RYR3: variants seen among roughly 807,000 people sequenced by gnomAD.
The protein encoded by RYR3 is brain ryanodine receptor-calcium release channel.
In RYR3, 207 loss-of-function variants were observed where a neutral mutation model predicts 584.3. The observed-to-expected ratio is 0.35, with a 90% confidence interval of 0.32 to 0.40. The LOEUF is 0.40. Ranked by LOEUF, RYR3 falls within the 10% of genes least tolerant of loss-of-function variation. The pLI is 1.00. For missense variants in RYR3, 5,616 were observed against 6,089.2 expected, an observed-to-expected ratio of 0.92 and a Z score of 2.59; for synonymous variants, 2,416 against 2,248.5, an observed-to-expected ratio of 1.07 and a Z score of -2.11.
Position 33,860,653 on chromosome 15 carries a change from T to C in RYR3, c.14358T>C (p.Asp4786=). ...ACCAGCAGGAACAAGTACGAGAAGA[T>C]ATGGAGGTAATGTTACTCTAACTAC... ...LRDQQEQVRE[D]METKCFICGI... The change falls in exon 101 of 104, where the codon GAT becomes GAC. Residue 4786 remains aspartate, a synonymous_variant. Transcript: ENST00000634891. The C allele has an allele frequency of 1.3e-6, 2 of 1,590,098 alleles. No homozygotes were observed. The highest frequency in any genetic ancestry group is 1.7e-6 in the Non-Finnish European group (2 of 1,165,456).
chr15:33,597,665 C>A (rs1438712733), intron 16 of RYR3, among the ~76,000 whole-genome samples: 3 of 150,270 alleles, frequency 2.0e-5, no homozygotes, highest in Non-Finnish European at 4.4e-5. Context: ...CTTTAAAAAG[C>A]ATTTTATTTA....
chr15:33,444,563 A>G (rs1369523127), intron 1 of RYR3, among the ~76,000 whole-genome samples: 1 of 152,178 alleles, frequency 6.6e-6, no homozygotes, highest in Non-Finnish European at 1.5e-5. Flanking sequence ...AGAAGAGACA[A>G]GTAAGCTCAG....
chr15:33,803,414 A>G (rs1422638645), intron 69 of RYR3, among the ~76,000 whole-genome samples: 2 of 152,202 alleles, frequency 1.3e-5, no homozygotes, highest in African/African-American at 4.8e-5. Flanking sequence ...CAGCTAGCTT[A>G]TCTTAAGTTG....
At chr15:33,730,481 C>G (rs1050723429) in intron 47 of RYR3, among the ~76,000 whole-genome samples, 1 of 146,038 alleles carries the variant, frequency 6.8e-6, no homozygotes, top group Non-Finnish European at 1.6e-5. Flanking sequence ...AGCTGTTTCT[C>G]CCAGCATGAT....
intron 63 of RYR3, among the ~76,000 whole-genome samples, chr15:33,772,445 T>C (rs2073647941): frequency 6.6e-6 from 1 of 152,244 alleles, no homozygotes; most frequent in African/African-American, 2.4e-5. Context: ...GTACTCTCGC[T>C]TAATTTCAAA....
intron 16 of RYR3, among the ~76,000 whole-genome samples, chr15:33,587,759 A>G (rs2058928516): frequency 6.6e-6 from 1 of 152,194 alleles, no homozygotes. Flanking sequence ...ATGAATTCAG[A>G]TCCTTCCTTA....
chr15:33,328,274 G>A (rs1235137176), intron 1 of RYR3, among the ~76,000 whole-genome samples: 2 of 152,202 alleles, frequency 1.3e-5, no homozygotes, highest in African/African-American at 4.8e-5. Context: ...TTCCCTGTGT[G>A]GGCTGTTACG....
intron 37 of RYR3, among the ~76,000 whole-genome samples, chr15:33,669,839 TGTGTGG>T (rs1426357786): frequency 8.7e-5 from 1 of 11,432 alleles, no homozygotes; most frequent in African/African-American, 2.9e-4. Flanking sequence ...GGGGTGTGTG[TGTGTGG>T]GGGGGGGGGG....
chr15:33,320,863 A>G (rs1968869755), intron 1 of RYR3, among the ~76,000 whole-genome samples: 1 of 152,242 alleles, frequency 6.6e-6, no homozygotes, highest in Non-Finnish European at 1.5e-5. Context: ...TCCAAATGTC[A>G]TTGCACAGTC....
intron 65 of RYR3, among the ~76,000 whole-genome samples, chr15:33,782,300 GA>G (rs2152903866): frequency 6.6e-6 from 1 of 152,284 alleles, no homozygotes; most frequent in East Asian, 1.9e-4. Flanking sequence ...AGAGCTATTT[GA>G]AAAGTGTTCC....
chr15:33,343,694 A>T (rs186349164), intron 1 of RYR3, among the ~76,000 whole-genome samples: 1 of 152,314 alleles, frequency 6.6e-6, no homozygotes, highest in East Asian at 1.9e-4. Flanking sequence ...TTTTCAAAAT[A>T]CTTTGCCAAT....
At chr15:33,860,692 A>T in intron 101 of RYR3, 33 bp downstream of exon 101, 1 of 1,422,446 alleles carries the variant, frequency 7.0e-7, no homozygotes, top group South Asian at 1.2e-5. Context: ...TCCCAGCTCT[A>T]TTTTAATATC....
Position 33,722,870 on chromosome 15 carries a change from C to T in RYR3, c.6775C>T (p.Pro2259Ser), listed in dbSNP as rs758364996. 8 of 1,590,098 alleles carry T rather than the reference C, an allele frequency of 5.0e-6. No homozygotes were observed. Among genetic ancestry groups the T allele is most frequent in the Non-Finnish European group, 6.0e-6 (7 of 1,170,660 alleles). Reference protein sequence around the residue: ...KISENPALDLPSQGYKREVST... With the variant: ...KISENPALDLSSQGYKREVST... Reference sequence around the variant, plus strand: ...CTCTGAGAACCCAGCGCTCGACCTCCCCTCTCAAGGATACAAAAGAGAAGT... The same window carrying T: ...CTCTGAGAACCCAGCGCTCGACCTCTCCTCTCAAGGATACAAAAGAGAAGT... The change falls in exon 44 of 104, where the codon CCC (proline) becomes TCC (serine). Residue 2259 changes from proline (P) to serine (S), a missense_variant. Pro to Ser is a moderately conservative substitution (Grantham distance 74). Coordinates refer to ENST00000634891, the MANE Select transcript of RYR3 (RefSeq NM_001036.6).
chr15:33,628,637 C>A, intron 21 of RYR3, 62 bp downstream of exon 21: 2 of 1,024,740 alleles, frequency 2.0e-6, no homozygotes, highest in South Asian at 1.3e-5. Context: ...TGGAACTGTT[C>A]TTCCTGCTGC....
In RYR3 at chr15:33,764,912, T is replaced by C. The variant is rs539972613; in HGVS notation, c.8706-3746T>C. Among the ~76,000 whole-genome samples the C allele has an allele frequency of 4.8e-3, 718 of 150,524 alleles. 4 individuals are homozygous for C. The highest frequency in any genetic ancestry group is 8.4e-3 in the Non-Finnish European group (567 of 67,882). Reference sequence around the variant, plus strand: ...TGGGCGTGAAGCCACGTGCCTGTAATCCCAGCTATTCAGGAGGCTGAGGCA... The same window carrying C: ...TGGGCGTGAAGCCACGTGCCTGTAACCCCAGCTATTCAGGAGGCTGAGGCA... On this transcript the variant is annotated intron_variant, in intron 60 of 103. Transcript: ENST00000634891.
intron 71 of RYR3, 101 bp from the exon 72 acceptor site, chr15:33,810,877 A>G: frequency 1.7e-6 from 2 of 1,143,930 alleles, no homozygotes; most frequent in South Asian, 2.7e-5. Flanking sequence ...TCTGATAAAG[A>G]TCCCAGTGAA....
chr15:33,547,236 C>T (rs1455622031), intron 8 of RYR3, among the ~76,000 whole-genome samples: 1 of 152,192 alleles, frequency 6.6e-6, no homozygotes, highest in Non-Finnish European at 1.5e-5. Flanking sequence ...CTCCACAAAA[C>T]TGTCAAAGTC....
chr15:33,585,920 C>T (rs953830414), intron 15 of RYR3, 78 bp from the exon 16 acceptor site: 4 of 806,790 alleles, frequency 5.0e-6, no homozygotes, highest in Non-Finnish European at 8.8e-6. Context: ...AAGGACTGTT[C>T]ATACTCAGGT....
At chr15:33,682,502 T>G (rs997667507) in intron 38 of RYR3, among the ~76,000 whole-genome samples, 2 of 152,192 alleles carry the variant, frequency 1.3e-5, no homozygotes, top group South Asian at 2.1e-4. Context: ...ATTGCCTTAA[T>G]GTGACTACCC....
Sources: gnomAD v4.1 joint callset for allele counts (sites outside exome capture counted in the v4.1 genomes callset) on GRCh38, gnomAD v4.1.1 for gene constraint, MANE v1.5 for transcripts, NCBI Gene and HGNC (gene_info 2026-07-23, HGNC 2026-07-21) for gene names.